OCA2: variants seen among roughly 807,000 people sequenced by gnomAD.
OCA2 encodes the protein P protein.
OCA2 carries 77 observed loss-of-function variants against 100.2 expected under a neutral mutation model. That is an observed-to-expected ratio of 0.77 (90% CI 0.64 to 0.93). The LOEUF is 0.93. Among genes scored for constraint, OCA2 ranks in the 40% least tolerant of loss-of-function variants. OCA2 has a pLI of 0.00. For missense variants in OCA2, 1,062 were observed against 1,089.1 expected, an observed-to-expected ratio of 0.98 and a Z score of 0.35; for synonymous variants, 432 against 439.2, an observed-to-expected ratio of 0.98 and a Z score of 0.21.
At position 27,764,023 on chromosome 15, in the gene OCA2, CAGAG is replaced by C. The variant is rs993912485; in HGVS notation, c.2433-8555_2433-8552del. ...TGGGGGTTTGGGGAGTGGAGAGAGA[CAGAG>C]AGAGAGGTAGGAGGGAAGGGAGAGG... On this transcript the variant is annotated intron_variant, in intron 23 of 23. Transcript: ENST00000354638. Among the ~76,000 whole-genome samples the C allele has an allele frequency of 1.2e-3, 188 of 151,026 alleles. 4 individuals carry two copies. The highest frequency in any genetic ancestry group is 4.0e-4 in the Non-Finnish European group (27 of 67,822).
intron 19 of OCA2, among the ~76,000 whole-genome samples, chr15:27,888,752 G>A (rs1218848400): frequency 6.6e-6 from 1 of 152,124 alleles, no homozygotes; most frequent in Admixed American, 6.5e-5. Context: ...GGCCGTGTGT[G>A]TGTGTATACA....
At chr15:27,964,853 C>A (rs2040514197) in intron 15 of OCA2, among the ~76,000 whole-genome samples, 1 of 152,150 alleles carries the variant, frequency 6.6e-6, no homozygotes, top group African/African-American at 2.4e-5. Context: ...CTTAGCCCGG[C>A]CATAGGGTTC....
At chr15:27,837,688 A>G (rs2035203364) in intron 23 of OCA2, among the ~76,000 whole-genome samples, 2 of 152,066 alleles carry the variant, frequency 1.3e-5, no homozygotes, top group Admixed American at 1.3e-4. Context: ...GACTACGGAG[A>G]AAAGACATTG....
intron 1 of OCA2, among the ~76,000 whole-genome samples, chr15:28,095,614 G>A (rs979751592): frequency 2.0e-5 from 3 of 152,004 alleles, no homozygotes; most frequent in Non-Finnish European, 4.4e-5. Context: ...CTACTCGGGA[G>A]GCTGAGGCAG....
At chr15:27,827,639 C>T (rs1054803745) in intron 23 of OCA2, among the ~76,000 whole-genome samples, 1 of 151,572 alleles carries the variant, frequency 6.6e-6, no homozygotes, top group South Asian at 2.1e-4. Flanking sequence ...GTCCAGCTTA[C>T]TAGAAGGCAG....
chr15:27,739,047 A>AGGGCAGAGTGAGGT, the OCA2 span, among the ~76,000 whole-genome samples: 2 of 152,202 alleles, frequency 1.3e-5, no homozygotes, highest in Non-Finnish European at 1.5e-5. Flanking sequence ...TGGCGGAACC[A>AGGGCAGAGTGAGGT]GGGCAGAGTG....
intron 18 of OCA2, among the ~76,000 whole-genome samples, chr15:27,933,935 C>T (rs1048776565): frequency 6.6e-6 from 1 of 151,980 alleles, no homozygotes. Context: ...GTTAAAATGA[C>T]AAGTTGTATG....
chr15:27,845,007 C>G lies in OCA2; in HGVS notation c.2384G>C (p.Gly795Ala). Reference sequence around the variant, plus strand: ...CCCATATCCATGCTGTTCTGCAATCCCTGCACACACGACGTTTGCCGACGC... The same window carrying G: ...CCCATATCCATGCTGTTCTGCAATCGCTGCACACACGACGTTTGCCGACGC... ...IGASANVVCA[G>A]IAEQHGYGFS... Residue 795 changes from glycine (G) to alanine (A), a missense_variant, in exon 23 of 24, where the codon GGG (glycine) becomes GCG (alanine). Coordinates refer to ENST00000354638, the MANE Select transcript of OCA2 (RefSeq NM_000275.3). The G allele has an allele frequency of 6.2e-7, 1 of 1,613,842 alleles. No homozygotes were observed.
chr15:27,979,028 A>G (rs1227449668), intron 14 of OCA2, among the ~76,000 whole-genome samples: 3 of 152,200 alleles, frequency 2.0e-5, no homozygotes, highest in African/African-American at 7.2e-5. Flanking sequence ...TAAGCAGCAT[A>G]ATGCAGATGT....
the OCA2 span, among the ~76,000 whole-genome samples, chr15:27,744,088 C>G: frequency 6.5e-4 from 99 of 152,286 alleles, 1 homozygote; most frequent in Non-Finnish European, 2.2e-4. Flanking sequence ...GACACTCTTG[C>G]AGCAACACCT....
At chr15:28,060,398 C>T (rs2043836402) in intron 2 of OCA2, among the ~76,000 whole-genome samples, 1 of 152,220 alleles carries the variant, frequency 6.6e-6, no homozygotes, top group South Asian at 2.1e-4. Context: ...ACAAAATGAG[C>T]AATGACTTGT....
intron 23 of OCA2, among the ~76,000 whole-genome samples, chr15:27,771,199 C>T (rs1043546720): frequency 2.0e-4 from 30 of 151,580 alleles, no homozygotes; most frequent in Non-Finnish European, 4.4e-5. Context: ...CATCAGGTCC[C>T]CTCACACCTT....
rs552583953 is a variant in OCA2 at position 27,849,929 on chromosome 15, G to A, written c.2338+1453C>T. On this transcript the variant is annotated intron_variant, in intron 22 of 23. Coordinates refer to ENST00000354638, the MANE Select transcript of OCA2 (RefSeq NM_000275.3). ...CTCCCAACACAACTGCACTCCTGCC[G>A]TGCCAGGAACAGGTGCCTTTCAATC... is the stretch of plus-strand genomic sequence containing the variant. 8.6e-4 allele frequency among the ~76,000 whole-genome samples: 131 copies of A among 152,202 alleles called. No homozygotes were observed. Among genetic ancestry groups the A allele is most frequent in the South Asian group, 1.7e-3 (8 of 4,824 alleles).
At chr15:28,011,085 A>C (rs1394774399) in intron 9 of OCA2, among the ~76,000 whole-genome samples, 1 of 152,208 alleles carries the variant, frequency 6.6e-6, no homozygotes, top group Non-Finnish European at 1.5e-5. Context: ...GAGGAGGGGT[A>C]GTCTTGTCGA....
intron 18 of OCA2, among the ~76,000 whole-genome samples, chr15:27,929,825 A>AAATTTTTTTTTTTTTTTT (rs71132826): frequency 3.5e-3 from 515 of 148,664 alleles, no homozygotes; most frequent in Middle Eastern, 7.0e-3. Flanking sequence ...CAAATGGGAA[A>AAATTTTTTTTTTTTTTTT]TATTTTAAAC....
intron 12 of OCA2, 47 bp downstream of exon 12, chr15:27,986,540 A>G (rs766788356): frequency 9.2e-7 from 1 of 1,092,418 alleles, no homozygotes; most frequent in Admixed American, 1.8e-5. Flanking sequence ...AAAAATACAT[A>G]TATAAATTAA....
chr15:27,896,024 T>C lies in OCA2; in HGVS notation c.2080-24102A>G, dbSNP rs991812612. On this transcript the variant is annotated intron_variant, in intron 19 of 23. Transcript: ENST00000354638. The stretch of plus-strand genomic sequence containing the variant: ...TTGTACTGGCCTGCAGGCTTCTCAA[T>C]AGGTTTGGCATGGAAAAGATCTATG... The C allele has an allele frequency of 2.4e-5, 26 of 1,066,144 alleles. No individual in the cohort carries two copies. In the Admixed American group the frequency reaches 4.1e-4, roughly 17 times the overall value. 66.0% of individuals were successfully genotyped at this position (1,066,144 alleles called of 1,614,324 possible).
rs912281334 is a variant in OCA2, at chr15:28,011,866, G to A, written c.1044+2910C>T. On this transcript the variant is annotated intron_variant, in intron 9 of 23. Coordinates refer to ENST00000354638, the MANE Select transcript of OCA2 (RefSeq NM_000275.3). ...CCAGGAGATGGTGTTGCAGTGAGCC[G>A]AGATTGGACCATTGCACTCCAGCCT... Among the ~76,000 whole-genome samples the A allele has an allele frequency of 5.3e-5, 8 of 150,026 alleles. No homozygotes were observed. The South Asian group carries it at 6.4e-4, about 12-fold the overall frequency.
At chr15:28,085,554 T>A (rs901028393) in intron 1 of OCA2, among the ~76,000 whole-genome samples, 16 of 152,138 alleles carry the variant, frequency 1.1e-4, no homozygotes, top group Non-Finnish European at 2.2e-4. Context: ...CCAGAATGGC[T>A]GTGCTGGCAA....
Sources: gnomAD v4.1 joint callset for allele counts (sites outside exome capture counted in the v4.1 genomes callset) on GRCh38, gnomAD v4.1.1 for gene constraint, MANE v1.5 for transcripts, NCBI Gene and HGNC (gene_info 2026-07-23, HGNC 2026-07-21) for gene names.